Variants in CSMD3 observed in about 807,000 individuals in gnomAD.
CSMD3 encodes CUB and sushi domain-containing protein 3.
CSMD3 carries 177 observed loss-of-function variants against 435.2 expected under a neutral mutation model. That is an observed-to-expected ratio of 0.41 (90% CI 0.36 to 0.46). The LOEUF (loss-of-function observed/expected upper bound fraction) is 0.46, where lower values mean the gene tolerates loss of function less well. Among genes scored for constraint, CSMD3 ranks in the 20% least tolerant of loss-of-function variants. The pLI is 0.34. For missense variants in CSMD3, 4,265 were observed against 4,504.6 expected, an observed-to-expected ratio of 0.95 and a Z score of 1.52; for synonymous variants, 1,656 against 1,520.5, an observed-to-expected ratio of 1.09 and a Z score of -2.07.
At chr8:113,153,130 A>AAGGAAGGAAGGAAGGAAGGAAGGAAG (rs2091858713) in intron 4 of CSMD3, among the ~76,000 whole-genome samples, 3 of 82,766 alleles carry the variant, frequency 3.6e-5, no homozygotes, top group East Asian at 4.0e-4. Context: ...AGAAAGAGAA[A>AAGGAAGGAAGGAAGGAAGGAAGGAAG]GAAGGAAGGA....
At chr8:112,260,452 C>A (rs561408251) in intron 61 of CSMD3, among the ~76,000 whole-genome samples, 1 of 152,030 alleles carries the variant, frequency 6.6e-6, no homozygotes, top group East Asian at 1.9e-4. Flanking sequence ...AAATGATATA[C>A]GTAAAGCAAC....
intron 2 of CSMD3, among the ~76,000 whole-genome samples, chr8:113,305,235 G>A (rs960414003): frequency 1.3e-5 from 2 of 151,550 alleles, no homozygotes; most frequent in African/African-American, 4.9e-5. Flanking sequence ...GCACCAGCGT[G>A]GCACATGTAT....
At chr8:112,886,329 GA>G (rs1314048955) in intron 10 of CSMD3, among the ~76,000 whole-genome samples, 1 of 151,098 alleles carries the variant, frequency 6.6e-6, no homozygotes, top group African/African-American at 2.4e-5. Context: ...TTTGCCTTTT[GA>G]AATGTTTCTT....
rs370261778 is a variant in CSMD3 at position 112,666,434 on chromosome 8, C to G, written c.2678-19G>C. The G allele has an allele frequency of 1.2e-6, 2 of 1,607,694 alleles. No homozygotes were observed. The highest frequency in any genetic ancestry group is 8.5e-7 in the Non-Finnish European group (1 of 1,175,776). The stretch of plus-strand genomic sequence containing the variant: ...CATGGGGCTGAAAAATTAAATCAGA[C>G]AAGTAAGAATAAAACATTCAAGATA... On this transcript the variant is annotated intron_variant, in intron 16 of 70. Transcript: ENST00000297405.
intron 6 of CSMD3, among the ~76,000 whole-genome samples, chr8:112,984,528 G>T (rs2085176402): frequency 6.6e-6 from 1 of 152,100 alleles, no homozygotes; most frequent in African/African-American, 2.4e-5. Context: ...TACTCTAGAA[G>T]TAGAAAGTTG....
chr8:113,166,172 A>T (rs952272175), intron 4 of CSMD3, among the ~76,000 whole-genome samples: 1 of 152,096 alleles, frequency 6.6e-6, no homozygotes, highest in Non-Finnish European at 1.5e-5. Flanking sequence ...TAATCATTAT[A>T]CTTAGAAATG....
intron 1 of CSMD3, among the ~76,000 whole-genome samples, chr8:113,360,685 T>C (rs1259341344): frequency 1.3e-5 from 2 of 149,426 alleles, no homozygotes; most frequent in South Asian, 2.2e-4. Flanking sequence ...GCCATTCTCC[T>C]GCCTCAGCCT....
intron 40 of CSMD3, among the ~76,000 whole-genome samples, chr8:112,346,910 A>T (rs1333909355): frequency 6.6e-6 from 1 of 151,606 alleles, no homozygotes; most frequent in African/African-American, 2.4e-5. Flanking sequence ...TGATCTCCTG[A>T]CCTCGTGATC....
At chr8:112,435,550 T>A (rs1180452235) in intron 32 of CSMD3, among the ~76,000 whole-genome samples, 1 of 152,024 alleles carries the variant, frequency 6.6e-6, no homozygotes, top group African/African-American at 2.4e-5. Flanking sequence ...ATTTCTAAGA[T>A]TAATTTTCTC....
At chr8:112,319,632 G>A (rs774299899) in intron 46 of CSMD3, among the ~76,000 whole-genome samples, 2 of 152,140 alleles carry the variant, frequency 1.3e-5, no homozygotes, top group Non-Finnish European at 2.9e-5. Context: ...TAATAGTTTG[G>A]AAAGAACCAT....
chr8:112,301,379 C>A (rs376516151), intron 53 of CSMD3, among the ~76,000 whole-genome samples: 1 of 151,634 alleles, frequency 6.6e-6, no homozygotes, highest in Non-Finnish European at 1.5e-5. Context: ...TGAAATAAAA[C>A]GGAAGAAAGG....
At chr8:112,405,215 A>ATATATATATG (rs1563904340) in intron 35 of CSMD3, among the ~76,000 whole-genome samples, 1 of 11,902 alleles carries the variant, frequency 8.4e-5, no homozygotes, top group Non-Finnish European at 2.2e-4. Context: ...AAAAACCCCC[A>ATATATATATG]TATATATATA....
Position 112,976,196 on chromosome 8 carries a change from T to C in CSMD3, c.1031-48A>G, listed in dbSNP as rs184935950. On this transcript the variant is annotated intron_variant, in intron 6 of 70. Transcript: ENST00000297405. ...ATGCTAACTTTTTCTTTTTAAATTT[T>C]GTTTATTTTTTCTGATAAATTTAAT... The C allele has an allele frequency of 5.6e-6, 9 of 1,598,320 alleles. No homozygotes were observed. In the South Asian group the frequency reaches 1.0e-4, roughly 18 times the overall value.
chr8:112,944,154 C>T (rs2083533517), intron 9 of CSMD3, among the ~76,000 whole-genome samples: 1 of 151,592 alleles, frequency 6.6e-6, no homozygotes, highest in Admixed American at 6.6e-5. Flanking sequence ...CTTTCTCTCC[C>T]ATCCATCCTC....
In CSMD3 at chr8:113,014,792, CTCTGTG is replaced by C. The variant is rs145977941; in HGVS notation, c.1030+4269_1030+4274del. Among the ~76,000 whole-genome samples the C allele has an allele frequency of 5.1e-3, 783 of 152,166 alleles. 4 individuals carry two copies. Among genetic ancestry groups the C allele is most frequent in the Non-Finnish European group, 8.0e-3 (541 of 67,992 alleles). On this transcript the variant is annotated intron_variant, in intron 6 of 70. Transcript: ENST00000297405. ...TGGGAAATTAATGACTTAATTTGTA[CTCTGTG>C]TCTGTATGTGTGTGTGCACACGTGC...
intron 61 of CSMD3, among the ~76,000 whole-genome samples, chr8:112,257,231 T>A (rs1815895965): frequency 6.6e-6 from 1 of 152,134 alleles, no homozygotes; most frequent in Non-Finnish European, 1.5e-5. Flanking sequence ...CCACTCCCAT[T>A]CAACCAAATG....
At chr8:112,307,644 C>A (rs912477395) in intron 50 of CSMD3, among the ~76,000 whole-genome samples, 1 of 152,008 alleles carries the variant, frequency 6.6e-6, no homozygotes, top group Non-Finnish European at 1.5e-5. Flanking sequence ...CACATAAGGA[C>A]TAACGTATTT....
At chr8:113,102,027 C>G (rs2090345240) in intron 4 of CSMD3, among the ~76,000 whole-genome samples, 1 of 152,062 alleles carries the variant, frequency 6.6e-6, no homozygotes, top group South Asian at 2.1e-4. Context: ...TAAAAGGCAG[C>G]ATTAGAACAA....
intron 10 of CSMD3, among the ~76,000 whole-genome samples, chr8:112,882,497 C>T (rs939861928): frequency 1.1e-4 from 17 of 151,954 alleles, no homozygotes; most frequent in Admixed American, 3.3e-4. Flanking sequence ...CCTTATTTCA[C>T]TACCTACTCT....
Sources: gnomAD v4.1 joint callset for allele counts (sites outside exome capture counted in the v4.1 genomes callset) on GRCh38, gnomAD v4.1.1 for gene constraint, MANE v1.5 for transcripts, NCBI Gene and HGNC (gene_info 2026-07-23, HGNC 2026-07-21) for gene names.